Variants in EHBP1 observed in about 807,000 individuals in gnomAD.
The protein encoded by EHBP1 is EH domain-binding protein 1.
EHBP1 carries 55 observed loss-of-function variants against 144.0 expected under a neutral mutation model. The ratio of observed to expected loss-of-function variants is 0.38; its 90% CI spans 0.31 to 0.48. The LOEUF is 0.48. Ranked by LOEUF, EHBP1 falls within the 20% of genes least tolerant of loss-of-function variation. The pLI is 0.98. For synonymous variants in EHBP1, 469 were observed against 472.7 expected, an observed-to-expected ratio of 0.99 and a Z score of 0.10; for missense variants, 1,200 against 1,364.2, an observed-to-expected ratio of 0.88 and a Z score of 1.90.
At chr2:62,901,300 T>G (rs1401807944) in intron 10 of EHBP1, among the ~76,000 whole-genome samples, 5 of 152,178 alleles carry the variant, frequency 3.3e-5, no homozygotes, top group Non-Finnish European at 5.9e-5. Context: ...TCTGCTAGTT[T>G]GGGTCAGATG....
chr2:63,012,853 G>A (rs913120867), intron 19 of EHBP1, among the ~76,000 whole-genome samples: 3 of 152,110 alleles, frequency 2.0e-5, no homozygotes, highest in African/African-American at 7.2e-5. Flanking sequence ...GGATTTAGCA[G>A]ATAAATTCAT....
chr2:62,701,285 A>G (rs1011903355), upstream of EHBP1, among the ~76,000 whole-genome samples: 1 of 152,228 alleles, frequency 6.6e-6, no homozygotes, highest in Non-Finnish European at 1.5e-5. Context: ...AACCCAATAT[A>G]GCCAAAATAT....
intron 19 of EHBP1, among the ~76,000 whole-genome samples, chr2:63,016,628 A>G (rs1424894615): frequency 6.6e-6 from 1 of 152,006 alleles, no homozygotes; most frequent in Non-Finnish European, 1.5e-5. Flanking sequence ...ATGGGGTTTC[A>G]TCATGTTGGC....
In EHBP1 at chr2:62,789,853, T is replaced by TA. The variant is rs1362155222; in HGVS notation, c.312+18467dup. ...TGCAGGGTAGCACTCCTGCAAATTT[T>TA]AAAAAACATGAGATTGTTAAAACAA... On this transcript the variant is annotated intron_variant, in intron 5 of 22. Transcript: ENST00000431489. Among the ~76,000 whole-genome samples the TA allele has an allele frequency of 5.9e-5, 9 of 152,310 alleles. No individual in the cohort carries two copies. In the East Asian group the frequency reaches 9.6e-4, roughly 16 times the overall value.
chr2:62,895,755 G>A (rs2052868144), intron 10 of EHBP1, among the ~76,000 whole-genome samples: 1 of 152,194 alleles, frequency 6.6e-6, no homozygotes, highest in South Asian at 2.1e-4. Flanking sequence ...GAGCAATGCA[G>A]TGAAGAAAGA....
At chr2:62,907,508 T>C (rs904817019) in intron 10 of EHBP1, among the ~76,000 whole-genome samples, 1 of 152,172 alleles carries the variant, frequency 6.6e-6, no homozygotes, top group African/African-American at 2.4e-5. Context: ...GCAGATTTGG[T>C]GTCTGGTGAG....
chr2:62,983,625 C>T (rs896679063), intron 15 of EHBP1, among the ~76,000 whole-genome samples: 3 of 152,166 alleles, frequency 2.0e-5, no homozygotes, highest in Admixed American at 2.0e-4. Flanking sequence ...ACTGCAACCT[C>T]CGTCTCCCGG....
chr2:62,958,445 C>T (rs1009529269), intron 14 of EHBP1, among the ~76,000 whole-genome samples: 7 of 152,176 alleles, frequency 4.6e-5, no homozygotes, highest in African/African-American at 7.2e-5. Context: ...TATTATGCTG[C>T]GAACACAAAA....
rs138596035 is a variant in EHBP1 at position 62,958,249 on chromosome 2, G to A, written c.2460+2589G>A. The stretch of plus-strand genomic sequence containing the variant: ...AAAAACTAAAAACACATGGTTATTC[G>A]AAGACTTTTACACAAAATTTCATGG... On this transcript the variant is annotated intron_variant, in intron 14 of 22. Coordinates refer to ENST00000431489, the MANE Select transcript of EHBP1 (RefSeq NM_001142616.3). Among the ~76,000 whole-genome samples, 396 of 152,182 alleles carry A rather than the reference G, an allele frequency of 2.6e-3. 5 individuals are homozygous for A. Among genetic ancestry groups the A allele is most frequent in the Middle Eastern group, 0.01 (3 of 294 alleles).
At chr2:63,001,523 A>G (rs2059847162) in intron 19 of EHBP1, among the ~76,000 whole-genome samples, 1 of 152,312 alleles carries the variant, frequency 6.6e-6, no homozygotes, top group East Asian at 1.9e-4. Context: ...CCCACAAAAA[A>G]TAAAAATCAA....
At chr2:62,738,685 A>G (rs2038388305) in intron 2 of EHBP1, among the ~76,000 whole-genome samples, 1 of 152,128 alleles carries the variant, frequency 6.6e-6, no homozygotes, top group African/African-American at 2.4e-5. Flanking sequence ...CTCTCTTTTA[A>G]AATAACCGTT....
At chr2:62,952,462 A>G (rs753661050) in intron 13 of EHBP1, among the ~76,000 whole-genome samples, 114 of 152,222 alleles carry the variant, frequency 7.5e-4, no homozygotes, top group Non-Finnish European at 1.4e-3. Flanking sequence ...TCATAAAATA[A>G]TAGTAACTCT....
chr2:62,722,985 GT>G (rs2036384422), intron 2 of EHBP1, among the ~76,000 whole-genome samples: 1 of 152,188 alleles, frequency 6.6e-6, no homozygotes, highest in South Asian at 2.1e-4. Flanking sequence ...ATATTCTGTT[GT>G]TTTTGGATGG....
rs560824913 is a variant in EHBP1 at position 62,696,142 on chromosome 2, T to TTC, written c.-295-10731_-295-10730dup. Among the ~76,000 whole-genome samples, 562 of 132,378 alleles carry TTC rather than the reference T, an allele frequency of 4.2e-3. 1 individual carries two copies. Among genetic ancestry groups the TTC allele is most frequent in the Middle Eastern group, 0.012 (3 of 260 alleles). The allele number at this position is 132,378 out of a possible 152,430, so 86.8% of individuals were successfully genotyped here. On this transcript the variant is annotated intron_variant, in intron 1 of 22. Coordinates refer to the EHBP1 transcript ENST00000405015. ...AGTTTCCCTCCCTCCCTCCCTTCCT[T>TTC]TCTCTCTCTCTCTCTCTCTCTCTCT...
At chr2:62,983,569 C>T (rs1020790287) in intron 15 of EHBP1, among the ~76,000 whole-genome samples, 2 of 152,144 alleles carry the variant, frequency 1.3e-5, no homozygotes, top group Non-Finnish European at 2.9e-5. Context: ...GAGACAGAGT[C>T]TCACTCTGTT....
chr2:62,759,894 AT>A (rs1039135811), intron 3 of EHBP1, among the ~76,000 whole-genome samples: 1 of 151,084 alleles, frequency 6.6e-6, no homozygotes, highest in South Asian at 2.1e-4. Context: ...CAGTAACACT[AT>A]TTTTTTTTGG....
At chr2:62,990,554 AAT>A (rs958397869) in intron 15 of EHBP1, among the ~76,000 whole-genome samples, 160 bp from the exon 16 acceptor site, 5 of 152,046 alleles carry the variant, frequency 3.3e-5, no homozygotes, top group Non-Finnish European at 7.4e-5. Context: ...TTGGTGGGGG[AAT>A]ATATATATGT....
chr2:63,014,176 G>A (rs2060386882), intron 19 of EHBP1, among the ~76,000 whole-genome samples: 1 of 152,178 alleles, frequency 6.6e-6, no homozygotes, highest in African/African-American at 2.4e-5. Context: ...GAGTACAAGT[G>A]CTAAAATACA....
In EHBP1 at chr2:62,706,979, C is replaced by T; in HGVS notation, c.-213C>T. ...GAACCCCTTCCCACTCATCCTGTCA[C>T]GTATATCATAGTGTTCTTGACTGGG... is the stretch of plus-strand genomic sequence containing the variant. On this transcript the variant is annotated 5_prime_UTR_variant, in exon 2 of 23. In the 5' UTR this introduces an upstream ATG that the reference lacks. Coordinates refer to ENST00000431489, the MANE Select transcript of EHBP1 (RefSeq NM_001142616.3). 9.7e-6 allele frequency: 5 copies of T among 515,632 alleles called. No individual in the cohort carries two copies. The highest frequency in any genetic ancestry group is 1.8e-5 in the Non-Finnish European group (5 of 284,212). 31.9% of individuals were successfully genotyped at this position (515,632 alleles called of 1,614,324 possible). A position where few individuals can be genotyped will look rare whatever the true frequency, so the allele number is the denominator to read the frequency against.
Sources: gnomAD v4.1 joint callset for allele counts (sites outside exome capture counted in the v4.1 genomes callset) on GRCh38, gnomAD v4.1.1 for gene constraint, MANE v1.5 for transcripts, NCBI Gene and HGNC (gene_info 2026-07-23, HGNC 2026-07-21) for gene names.